The following KHDRBS2 variants were observed in gnomAD, a reference collection of about 807,000 sequenced individuals.
The protein encoded by KHDRBS2 is KH domain-containing, RNA-binding, signal transduction-associated protein 2.
KHDRBS2 carries 26 observed loss-of-function variants against 44.3 expected under a neutral mutation model. The observed-to-expected ratio is 0.59, with a 90% CI of 0.43 to 0.81. The LOEUF is 0.81. Ranked by LOEUF, KHDRBS2 falls within the 40% of genes least tolerant of loss-of-function variation. KHDRBS2 has a pLI of 0.00. For synonymous variants in KHDRBS2, 194 were observed against 151.1 expected, an observed-to-expected ratio of 1.28 and a Z score of -2.08; for missense variants, 476 against 433.1, an observed-to-expected ratio of 1.10 and a Z score of -0.88.
chr6:61,737,357 C>T (rs966698085), intron 6 of KHDRBS2, among the ~76,000 whole-genome samples: 1 of 151,920 alleles, frequency 6.6e-6, no homozygotes, highest in African/African-American at 2.4e-5. Flanking sequence ...GCATATTTTT[C>T]CAATACTTGA....
At chr6:61,909,878 T>C (rs1488645380) in intron 4 of KHDRBS2, among the ~76,000 whole-genome samples, 1 of 152,220 alleles carries the variant, frequency 6.6e-6, no homozygotes, top group Admixed American at 6.5e-5. Context: ...AAATTCCTTC[T>C]TCTGAGGATA....
At chr6:61,662,843 G>A in the KHDRBS2 span, among the ~76,000 whole-genome samples, 6 of 151,812 alleles carry the variant, frequency 4.0e-5, no homozygotes, top group African/African-American at 1.5e-4. Flanking sequence ...TCAGTGTGGT[G>A]ATTCCTCAGG....
At chr6:61,593,551 TAA>T in the KHDRBS2 span, among the ~76,000 whole-genome samples, 10 of 152,074 alleles carry the variant, frequency 6.6e-5, no homozygotes, top group African/African-American at 2.4e-4. Flanking sequence ...TAAATTATAG[TAA>T]GACTAATTTA....
the KHDRBS2 span, among the ~76,000 whole-genome samples, chr6:61,599,074 C>T: frequency 5.9e-5 from 9 of 151,892 alleles, no homozygotes; most frequent in African/African-American, 2.2e-4. Flanking sequence ...GCTGGCATTA[C>T]AGGTGCCTGC....
chr6:61,901,933 A>AT (rs1490562106), intron 4 of KHDRBS2, among the ~76,000 whole-genome samples: 2 of 152,014 alleles, frequency 1.3e-5, no homozygotes, highest in Non-Finnish European at 2.9e-5. Context: ...GATGTGAAAT[A>AT]TTTATTTATT....
At chr6:61,545,081 A>G in the KHDRBS2 span, among the ~76,000 whole-genome samples, 1 of 152,006 alleles carries the variant, frequency 6.6e-6, no homozygotes, top group South Asian at 2.1e-4. Context: ...CAAGTATAAT[A>G]AAAAAAATTT....
At position 62,186,155 on chromosome 6, in the gene KHDRBS2, T is replaced by C. The variant is rs115090068; in HGVS notation, c.92-8843A>G. ...TGACAGTTATTGCTTTCTAAGCCTT[T>C]TCTATGTATTAGGCAATGATCAATT... On this transcript the variant is annotated intron_variant, in intron 1 of 8. Coordinates refer to ENST00000281156, the MANE Select transcript of KHDRBS2 (RefSeq NM_152688.4). Among the ~76,000 whole-genome samples, 1,255 of 152,194 alleles carry C rather than the reference T, an allele frequency of 8.2e-3. 10 individuals carry two copies. Among genetic ancestry groups the C allele is most frequent in the Middle Eastern group, 0.02 (6 of 294 alleles).
chr6:61,758,132 C>A (rs1173699461), intron 6 of KHDRBS2, among the ~76,000 whole-genome samples: 1 of 152,050 alleles, frequency 6.6e-6, no homozygotes, highest in African/African-American at 2.4e-5. Context: ...TACCTGGGTT[C>A]CTCCTCACTA....
chr6:61,647,391 A>G, the KHDRBS2 span, among the ~76,000 whole-genome samples: 1 of 152,086 alleles, frequency 6.6e-6, no homozygotes, highest in Non-Finnish European at 1.5e-5. Flanking sequence ...AGTCAAAGAA[A>G]CATGGTGTTT....
chr6:61,844,501 T>C (rs1794076516), intron 6 of KHDRBS2, among the ~76,000 whole-genome samples: 1 of 152,162 alleles, frequency 6.6e-6, no homozygotes, highest in African/African-American at 2.4e-5. Flanking sequence ...ATCCTTGTGA[T>C]AACCTACTGC....
Position 62,115,466 on chromosome 6 carries a change from G to T in KHDRBS2, c.219+61719C>A, listed in dbSNP as rs545732622. 8.9e-4 allele frequency among the ~76,000 whole-genome samples: 136 copies of T among 152,280 alleles called. 1 individual carries two copies. Among genetic ancestry groups the T allele is most frequent in the South Asian group, 4.8e-3 (23 of 4,828 alleles). On this transcript the variant is annotated intron_variant, in intron 2 of 8. Coordinates refer to ENST00000281156, the MANE Select transcript of KHDRBS2 (RefSeq NM_152688.4). ...CAAGGTCACAAAATCAAATAGCAAAGCTAGGATGAAATCCAAATGCCAAGC... is the reference window on the plus strand; with the variant it reads ...CAAGGTCACAAAATCAAATAGCAAATCTAGGATGAAATCCAAATGCCAAGC...
At chr6:62,076,124 T>C (rs1462381801) in intron 2 of KHDRBS2, among the ~76,000 whole-genome samples, 4 of 151,964 alleles carry the variant, frequency 2.6e-5, no homozygotes, top group African/African-American at 9.7e-5. Context: ...ACCCCATATA[T>C]TTCTGTCAGC....
intron 6 of KHDRBS2, among the ~76,000 whole-genome samples, chr6:61,775,159 T>G (rs1330116161): frequency 6.6e-6 from 1 of 152,068 alleles, no homozygotes. Context: ...ATAAGAGCTA[T>G]CTATGACAAA....
At chr6:61,770,630 TA>T (rs1215923627) in intron 6 of KHDRBS2, among the ~76,000 whole-genome samples, 2 of 152,072 alleles carry the variant, frequency 1.3e-5, no homozygotes, top group Non-Finnish European at 2.9e-5. Context: ...AAGAGAAGTT[TA>T]GGGGAAAAAG....
Position 62,105,983 on chromosome 6 carries a change from G to T in KHDRBS2, c.220-57989C>A, listed in dbSNP as rs182999680. Among the ~76,000 whole-genome samples the T allele has an allele frequency of 8.7e-4, 133 of 152,218 alleles. 1 individual carries two copies. In the East Asian group the frequency reaches 0.024, roughly 28 times the overall value. ...AGAGATTCTGGTATGTTGTGTCTTT[G>T]TTCCCGTTGGTTTCAAAGAATATCT... is the stretch of plus-strand genomic sequence containing the variant. On this transcript the variant is annotated intron_variant, in intron 2 of 8. Transcript: ENST00000281156.
chr6:62,163,596 G>A lies in KHDRBS2; in HGVS notation c.219+13589C>T, dbSNP rs1418836958. 2.0e-5 allele frequency among the ~76,000 whole-genome samples: 3 copies of A among 152,136 alleles called. No homozygotes were observed. The East Asian group carries it at 5.8e-4, about 29-fold the overall frequency. ...GAGAAATACATCTGCTTTTCCGTCT[G>A]TGGGCCTTTGAAATCTTAGCAGTCT... On this transcript the variant is annotated intron_variant, in intron 2 of 8. Transcript: ENST00000281156.
the KHDRBS2 span, among the ~76,000 whole-genome samples, chr6:61,606,350 G>A: frequency 6.6e-6 from 1 of 152,122 alleles, no homozygotes; most frequent in Non-Finnish European, 1.5e-5. Flanking sequence ...AGAGCAGAGT[G>A]GGTTTGGTTA....
At chr6:61,664,869 TAATA>T in the KHDRBS2 span, among the ~76,000 whole-genome samples, 4 of 151,688 alleles carry the variant, frequency 2.6e-5, no homozygotes, top group Admixed American at 6.6e-5. Flanking sequence ...TTAATATCTG[TAATA>T]AATAAAGGTG....
intron 6 of KHDRBS2, among the ~76,000 whole-genome samples, chr6:61,784,473 T>C (rs2127582613): frequency 6.6e-6 from 1 of 152,050 alleles, no homozygotes; most frequent in African/African-American, 2.4e-5. Flanking sequence ...GTGCTTTATT[T>C]CAGAATAGAA....
Sources: allele counts gnomAD v4.1 joint callset (sites outside exome capture counted in the v4.1 genomes callset), GRCh38; gene constraint gnomAD v4.1.1; transcripts MANE v1.5; gene names NCBI Gene and HGNC (gene_info 2026-07-23, HGNC 2026-07-21).